The following PRKN variants were observed in gnomAD, a reference collection of about 807,000 sequenced individuals.
PRKN encodes parkin RBR E3 ubiquitin protein ligase, also known as E3 ubiquitin-protein ligase parkin.
PRKN carries 56 observed loss-of-function variants against 59.5 expected under a neutral mutation model. The ratio of observed to expected loss-of-function variants is 0.94; its 90% CI spans 0.76 to 1.18. The LOEUF is 1.18. Among genes scored for constraint, PRKN ranks in the 50% most tolerant of loss-of-function variants. PRKN has a pLI of 0.00. For synonymous variants in PRKN, 250 were observed against 222.1 expected (o/e 1.13, Z -1.12); for missense variants, 657 against 596.4 (o/e 1.10, Z -1.06).
At chr6:161,568,389 C>T (rs1463669593) in intron 8 of PRKN, among the ~76,000 whole-genome samples, 2 of 152,084 alleles carry the variant, frequency 1.3e-5, no homozygotes, top group Admixed American at 6.5e-5. Flanking sequence ...GTCAGGAAAT[C>T]GAAACCATCC....
chr6:161,405,214 T>A lies in PRKN; in HGVS notation c.1084-18337A>T, dbSNP rs1397129493. Among the ~76,000 whole-genome samples, 1 of 152,084 alleles carries A rather than the reference T, an allele frequency of 6.6e-6. No individual in the cohort carries two copies. On this transcript the variant is annotated intron_variant, in intron 9 of 11. Transcript: ENST00000366898. The surrounding 1 kb of genome is among the most constrained non-coding windows in gnomAD (Gnocchi z 5.1). ...ACAGTGACAAGATTTACAATGGGAT[T>A]TGGGGGAAAAGTCATTAGTCGTCAT... is the stretch of plus-strand genomic sequence containing the variant.
In PRKN at chr6:161,623,278, T is replaced by C. The variant is rs540793081; in HGVS notation, c.872-53862A>G. Among the ~76,000 whole-genome samples, 13 of 152,312 alleles carry C rather than the reference T, an allele frequency of 8.5e-5. No homozygotes were observed. The South Asian group carries it at 2.5e-3, about 29-fold the overall frequency. On this transcript the variant is annotated intron_variant, in intron 7 of 11. Coordinates refer to ENST00000366898, the MANE Select transcript of PRKN (RefSeq NM_004562.3). ...CTCTGGTGTGCTTCCTACTATGATA[T>C]CCTAGTTTTTCTGCCTCTCTTCAAC...
At chr6:162,521,365 A>G (rs1464011424) in intron 1 of PRKN, among the ~76,000 whole-genome samples, 1 of 152,202 alleles carries the variant, frequency 6.6e-6, no homozygotes, top group Non-Finnish European at 1.5e-5. Context: ...CTTGTAAGTT[A>G]TGGCTGCATT....
Position 161,502,631 on chromosome 6 carries a change from G to A in PRKN, c.1083+46223C>T, listed in dbSNP as rs1176347115. Among the ~76,000 whole-genome samples, 1 of 152,178 alleles carries A rather than the reference G, an allele frequency of 6.6e-6. No individual in the cohort carries two copies. Among genetic ancestry groups the A allele is most frequent in the East Asian group, 1.9e-4 (1 of 5,186 alleles). ...GAGGGGACCAGTAACAAGCAGGGAA[G>A]AGAGAAATGGGGGATTTGGGAGTAG... On this transcript the variant is annotated intron_variant, in intron 9 of 11. Transcript: ENST00000366898. The surrounding 1 kb of genome is among the most constrained non-coding windows in gnomAD (Gnocchi z 4.0).
intron 1 of PRKN, among the ~76,000 whole-genome samples, chr6:162,605,209 A>T (rs1394291319): frequency 6.6e-6 from 1 of 152,124 alleles, no homozygotes; most frequent in Non-Finnish European, 1.5e-5. Context: ...TATAGACTAA[A>T]TGGAAAGCTC....
chr6:161,419,110 A>G lies in PRKN; in HGVS notation c.1084-32233T>C, dbSNP rs952267680. On this transcript the variant is annotated intron_variant, in intron 9 of 11. Transcript: ENST00000366898. This position sits in a 1 kb window ranked among gnomAD's most constrained non-coding sequence, Gnocchi z 4.1. ...CAGTGACACACAAATATGTAAGGTC[A>G]TTAGTGTTCACTAAATGCGTAGCTA... Among the ~76,000 whole-genome samples, 1 of 152,244 alleles carries G rather than the reference A, an allele frequency of 6.6e-6. No homozygotes were observed. The highest frequency in any genetic ancestry group is 2.4e-5 in the African/African-American group (1 of 41,460).
At chr6:162,165,937 A>C (rs1404395994) in intron 4 of PRKN, among the ~76,000 whole-genome samples, 1 of 151,162 alleles carries the variant, frequency 6.6e-6, no homozygotes, top group Non-Finnish European at 1.5e-5. Flanking sequence ...AGTCTCAGCT[A>C]CTCAGGAGGC....
At chr6:162,025,272 G>C (rs2128277369) in intron 5 of PRKN, among the ~76,000 whole-genome samples, 1 of 151,742 alleles carries the variant, frequency 6.6e-6, no homozygotes, top group South Asian at 2.1e-4. Context: ...GAAAGTGCTG[G>C]GATTACAGGC....
chr6:162,364,677 G>T (rs1461642242), intron 2 of PRKN, among the ~76,000 whole-genome samples: 1 of 152,096 alleles, frequency 6.6e-6, no homozygotes, highest in Admixed American at 6.6e-5. Context: ...GCGGCGAGCT[G>T]GGCCCTCTCA....
At position 161,870,865 on chromosome 6, in the gene PRKN, G is replaced by C. The variant is rs375345699; in HGVS notation, c.735-84957C>G. Among the ~76,000 whole-genome samples the C allele has an allele frequency of 3.3e-5, 5 of 152,250 alleles. No homozygotes were observed. The East Asian group carries it at 9.7e-4, about 29-fold the overall frequency. ...AAGAATGTTTTTAGAGGTAACTAGA[G>C]AACTCTGGGGAGTTAGGCTGGGAAT... On this transcript the variant is annotated intron_variant, in intron 6 of 11. Transcript: ENST00000366898.
At chr6:162,389,545 A>G (rs1787054033) in intron 2 of PRKN, among the ~76,000 whole-genome samples, 1 of 152,202 alleles carries the variant, frequency 6.6e-6, no homozygotes, top group Non-Finnish European at 1.5e-5. Flanking sequence ...CCCTCTACCC[A>G]GTCTAAAAGG....
chr6:162,237,036 C>A (rs376712995), intron 3 of PRKN, among the ~76,000 whole-genome samples: 1 of 152,120 alleles, frequency 6.6e-6, no homozygotes, highest in Non-Finnish European at 1.5e-5. Context: ...TCCCACTATT[C>A]GAATAGCCCA....
intron 1 of PRKN, among the ~76,000 whole-genome samples, chr6:162,553,840 AAAAAAAAAG>A (rs1467445689): frequency 4.7e-5 from 1 of 21,394 alleles, no homozygotes; most frequent in African/African-American, 2.2e-4. Flanking sequence ...AAAAAAAAAA[AAAAAAAAAG>A]GGTAAAAGTG....
At chr6:161,861,189 G>A (rs1391484781) in intron 6 of PRKN, among the ~76,000 whole-genome samples, 1 of 152,128 alleles carries the variant, frequency 6.6e-6, no homozygotes, top group Non-Finnish European at 1.5e-5. Flanking sequence ...GCCCATCAAT[G>A]ATAGACTGGT....
chr6:161,887,281 A>C (rs969874768), intron 6 of PRKN, among the ~76,000 whole-genome samples: 2 of 152,328 alleles, frequency 1.3e-5, no homozygotes, highest in Non-Finnish European at 2.9e-5. Context: ...AAGAGTATTC[A>C]CTCAATGTAT....
chr6:162,050,021 A>T (rs1451726452), intron 5 of PRKN, among the ~76,000 whole-genome samples: 1 of 152,174 alleles, frequency 6.6e-6, no homozygotes. Context: ...TGTTACTAAG[A>T]TCATACCATT....
intron 1 of PRKN, among the ~76,000 whole-genome samples, chr6:162,459,839 GTTGGAAATAT>G (rs1791072512): frequency 6.6e-6 from 1 of 152,196 alleles, no homozygotes. Flanking sequence ...AGAAGCTCTA[GTTGGAAATAT>G]TTGTTAAAAT....
chr6:161,695,703 C>G (rs1785990364), intron 7 of PRKN, among the ~76,000 whole-genome samples: 1 of 152,112 alleles, frequency 6.6e-6, no homozygotes, highest in Admixed American at 6.5e-5. Context: ...ATAGAAGCGG[C>G]TGCTAGAGGG....
intron 3 of PRKN, among the ~76,000 whole-genome samples, chr6:162,205,420 G>C (rs1954941): frequency 6.6e-6 from 1 of 152,004 alleles, no homozygotes; most frequent in East Asian, 1.9e-4. Context: ...AGGATACTTA[G>C]GAAGAGTCGT....
Sources: gnomAD v4.1 joint callset for allele counts (sites outside exome capture counted in the v4.1 genomes callset) on GRCh38, gnomAD v4.1.1 for gene constraint, Gnocchi (gnomAD v3.1) non-coding constraint, MANE v1.5 for transcripts, NCBI Gene and HGNC (gene_info 2026-07-23, HGNC 2026-07-21) for gene names.